The following DIPK1A variants were observed in gnomAD, a reference collection of about 807,000 sequenced individuals.
DIPK1A encodes divergent protein kinase domain 1A, also known as family with sequence similarity 69 member A.
DIPK1A carries 27 observed loss-of-function variants against 40.8 expected under a neutral mutation model. That is an observed-to-expected ratio of 0.66 (90% CI 0.49 to 0.91). The LOEUF is 0.91. Among genes scored for constraint, DIPK1A ranks in the 40% least tolerant of loss-of-function variants. DIPK1A has a pLI of 0.00. For missense variants in DIPK1A, 412 were observed against 505.7 expected (o/e 0.81, Z 1.78); for synonymous variants, 166 against 171.3 (o/e 0.97, Z 0.24).
At chr1:92,884,331 T>C (rs774071031) in intron 1 of DIPK1A, among the ~76,000 whole-genome samples, 14 of 152,084 alleles carry the variant, frequency 9.2e-5, no homozygotes, top group Non-Finnish European at 1.5e-4. Flanking sequence ...CACGTGCCTG[T>C]GATCCCAGCT....
At chr1:92,960,941 T>C (rs963601142) in intron 1 of DIPK1A, among the ~76,000 whole-genome samples, 16 of 152,102 alleles carry the variant, frequency 1.1e-4, no homozygotes, top group African/African-American at 3.9e-4. Flanking sequence ...CCCAAGACAC[T>C]GAGTCAAGGG....
At chr1:92,851,025 A>G (rs1687801179) in intron 2 of DIPK1A, 70 bp from the exon 3 acceptor site, 2 of 958,140 alleles carry the variant, frequency 2.1e-6, no homozygotes. Context: ...AGAGATATCT[A>G]TATCCTTTAT....
At chr1:92,841,755 A>G, downstream of DIPK1A, 1 of 1,591,048 alleles carries the variant, frequency 6.3e-7, no homozygotes. Flanking sequence ...ATATATTCCT[A>G]TCTTTTGTAG....
chr1:92,930,842 T>A (rs2100871387), intron 1 of DIPK1A: 1 of 152,302 alleles, frequency 6.6e-6, no homozygotes, highest in African/African-American at 2.4e-5. Context: ...CTTAAAAGCC[T>A]TTTCTGTCTC....
chr1:92,905,375 T>C (rs1461362167), intron 1 of DIPK1A, among the ~76,000 whole-genome samples: 2 of 152,146 alleles, frequency 1.3e-5, no homozygotes, highest in East Asian at 3.8e-4. Context: ...ATTTCTCTGA[T>C]GATCAGCAAT....
At chr1:92,901,793 G>C (rs2100822346) in intron 1 of DIPK1A, among the ~76,000 whole-genome samples, 1 of 152,210 alleles carries the variant, frequency 6.6e-6, no homozygotes, top group East Asian at 1.9e-4. Context: ...GCACAGCAAT[G>C]ACTATATACC....
chr1:92,929,922 C>A (rs546448975), intron 1 of DIPK1A, among the ~76,000 whole-genome samples: 1 of 152,260 alleles, frequency 6.6e-6, no homozygotes, highest in South Asian at 2.1e-4. Context: ...TCTTCAAAAC[C>A]AGAGAAGGAA....
At chr1:92,898,171 G>T (rs916651168) in intron 1 of DIPK1A, among the ~76,000 whole-genome samples, 1 of 151,472 alleles carries the variant, frequency 6.6e-6, no homozygotes, top group African/African-American at 2.4e-5. Flanking sequence ...GGCTGTACAA[G>T]GTACAAGAAG....
chr1:92,862,372 T>A (rs1557458334), intron 2 of DIPK1A, among the ~76,000 whole-genome samples: 3 of 152,192 alleles, frequency 2.0e-5, no homozygotes. Context: ...ATCAACCACC[T>A]AGGCACCGAG....
chr1:92,878,559 A>G (rs1433033587), intron 1 of DIPK1A, among the ~76,000 whole-genome samples: 1 of 152,046 alleles, frequency 6.6e-6, no homozygotes, highest in Non-Finnish European at 1.5e-5. Flanking sequence ...AGTGGCTCAC[A>G]CCTGTAATCC....
intron 4 of DIPK1A, chr1:92,836,180 T>G: frequency 6.2e-7 from 1 of 1,611,226 alleles, no homozygotes; most frequent in Non-Finnish European, 8.5e-7. Context: ...TACATTGGTT[T>G]CTTGAATAGC....
rs1174619319 is a variant in DIPK1A, at chr1:92,961,361, C to G, written c.54+15G>C. On this transcript the variant is annotated intron_variant, in intron 1 of 4. Transcript: ENST00000370310. ...GGTGCTCCCGCAGCTGGTGGCTGGGCGGCCGCCGGCCTACCTGGAGGTAAT... is the reference window on the plus strand; with the variant it reads ...GGTGCTCCCGCAGCTGGTGGCTGGGGGGCCGCCGGCCTACCTGGAGGTAAT... The G allele has an allele frequency of 2.7e-6, 4 of 1,499,762 alleles. No individual in the cohort carries two copies. The highest frequency in any genetic ancestry group is 3.6e-6 in the Non-Finnish European group (4 of 1,119,220). The allele number at this position is 1,499,762 out of a possible 1,614,324, so 92.9% of individuals were successfully genotyped here. A position where few individuals can be genotyped will look rare whatever the true frequency, so the allele number is the denominator to read the frequency against.
At chr1:92,912,963 G>C (rs968423548) in intron 1 of DIPK1A, among the ~76,000 whole-genome samples, 1 of 152,048 alleles carries the variant, frequency 6.6e-6, no homozygotes, top group African/African-American at 2.4e-5. Flanking sequence ...AATTAGCTAG[G>C]CATGGTGGCA....
intron 1 of DIPK1A, among the ~76,000 whole-genome samples, chr1:92,880,019 GT>G (rs776011906): frequency 1.3e-5 from 2 of 152,214 alleles, no homozygotes; most frequent in Non-Finnish European, 2.9e-5. Context: ...AATGGACTTA[GT>G]TTTGCCCCAC....
chr1:92,900,373 G>A (rs542868396), intron 1 of DIPK1A, among the ~76,000 whole-genome samples: 2 of 151,758 alleles, frequency 1.3e-5, no homozygotes, highest in African/African-American at 4.8e-5. Context: ...AGATTCTTCT[G>A]CTTGATCAAG....
intron 1 of DIPK1A, among the ~76,000 whole-genome samples, chr1:92,946,863 G>A (rs1186259174): frequency 2.0e-5 from 3 of 151,296 alleles, no homozygotes; most frequent in African/African-American, 7.3e-5. Context: ...AGGATCTCCC[G>A]AGCCTGCGAT....
At chr1:92,846,880 TATACACAC>T (rs1235276512) in intron 4 of DIPK1A, among the ~76,000 whole-genome samples, 1 of 4,804 alleles carries the variant, frequency 2.1e-4, no homozygotes, top group African/African-American at 1.2e-3. Flanking sequence ...TATATATATA[TATACACAC>T]ACACGTATAT....
At chr1:92,847,098 C>T (rs1687665631) in intron 4 of DIPK1A, 85 bp downstream of exon 4, 2 of 830,648 alleles carry the variant, frequency 2.4e-6, no homozygotes, top group Non-Finnish European at 1.7e-6. Flanking sequence ...AGAATATCAA[C>T]ACTTTAATGG....
At chr1:92,842,006 T>A (rs1316273823), downstream of DIPK1A, 1 of 830,406 alleles carries the variant, frequency 1.2e-6, no homozygotes, top group Non-Finnish European at 1.8e-6. Context: ...GTTGACAGGT[T>A]TTTTTCTCCA....
Sources: gnomAD v4.1 joint callset for allele counts (sites outside exome capture counted in the v4.1 genomes callset) on GRCh38, gnomAD v4.1.1 for gene constraint, MANE v1.5 for transcripts, NCBI Gene and HGNC (gene_info 2026-07-23, HGNC 2026-07-21) for gene names.